ADGRB1: variants seen among roughly 807,000 people sequenced by gnomAD.
The protein encoded by ADGRB1 is adhesion G protein-coupled receptor B1.
Under a neutral mutation model 175.7 loss-of-function variants are expected in ADGRB1, and 36 were observed. That is an observed-to-expected ratio of 0.20 (90% CI 0.16 to 0.27). The LOEUF is 0.27. Among genes scored for constraint, ADGRB1 ranks in the 10% least tolerant of loss-of-function variants. The probability of loss-of-function intolerance (pLI) is 1.00; values close to 1 mark genes in which losing one functional copy is unlikely to be tolerated. For synonymous variants in ADGRB1, 1,054 were observed against 979.4 expected (o/e 1.08, Z -1.42); for missense variants, 1,731 against 2,255.3 (o/e 0.77, Z 4.71).
chr8:142,538,490 G>C (rs1845068208), intron 26 of ADGRB1, among the ~76,000 whole-genome samples: 1 of 152,216 alleles, frequency 6.6e-6, no homozygotes, highest in African/African-American at 2.4e-5. Context: ...CCCTCCCCCA[G>C]CGTTTCTCCT....
Position 142,520,804 on chromosome 8 carries a change from G to A in ADGRB1, c.2922-19G>A. 1 of 1,608,224 alleles carries A rather than the reference G, an allele frequency of 6.2e-7. No homozygotes were observed. Among genetic ancestry groups the A allele is most frequent in the Non-Finnish European group, 8.5e-7 (1 of 1,175,022 alleles). ...GGGTTCTGTTGGGTGCTGACCTTGG[G>A]CCCCTGCACTCTCCACAGGTACATT... On this transcript the variant is annotated intron_variant, in intron 19 of 30. Transcript: ENST00000517894.
Position 142,521,322 on chromosome 8 carries a change from G to A in ADGRB1, c.3024+397G>A, listed in dbSNP as rs545566136. Reference sequence around the variant, plus strand: ...GGTCCACCCTCTCACCCCTACGCTCGCCAGCCTTGAAGCTGGCAGCTCATG... The same window carrying A: ...GGTCCACCCTCTCACCCCTACGCTCACCAGCCTTGAAGCTGGCAGCTCATG... On this transcript the variant is annotated intron_variant, in intron 20 of 30. Coordinates refer to ENST00000517894, the MANE Select transcript of ADGRB1 (RefSeq NM_001702.3). Among the ~76,000 whole-genome samples, 31 of 152,198 alleles carry A rather than the reference G, an allele frequency of 2.0e-4. No homozygotes were observed. The East Asian group carries it at 2.3e-3, about 11-fold the overall frequency.
intron 24 of ADGRB1, among the ~76,000 whole-genome samples, chr8:142,530,388 G>A (rs1319589589): frequency 3.3e-5 from 5 of 152,126 alleles, no homozygotes; most frequent in African/African-American, 9.7e-5. Context: ...AGGTGGGTGG[G>A]GCCAGTTGGG....
chr8:142,535,541 G>A (rs1210895525), intron 25 of ADGRB1, among the ~76,000 whole-genome samples: 1 of 152,186 alleles, frequency 6.6e-6, no homozygotes, highest in African/African-American at 2.4e-5. Flanking sequence ...GGGGGTGGTG[G>A]CCAGGGCTGC....
chr8:142,487,662 C>G (rs557003768), intron 13 of ADGRB1, among the ~76,000 whole-genome samples: 6 of 152,194 alleles, frequency 3.9e-5, no homozygotes, highest in Non-Finnish European at 7.4e-5. Context: ...TCCACCCCAG[C>G]GGCACTTCCC....
At chr8:142,473,793 G>A (rs1380714299) in intron 2 of ADGRB1, among the ~76,000 whole-genome samples, 1 of 152,220 alleles carries the variant, frequency 6.6e-6, no homozygotes, top group Non-Finnish European at 1.5e-5. Context: ...GAGAAAATGA[G>A]GCCTCCCACA....
intron 2 of ADGRB1, among the ~76,000 whole-genome samples, chr8:142,472,581 C>T (rs1291563842): frequency 1.3e-5 from 2 of 152,218 alleles, no homozygotes; most frequent in Non-Finnish European, 2.9e-5. Flanking sequence ...GATACATTCA[C>T]TAGACAAACA....
At chr8:142,482,913 C>T (rs1282689375) in intron 11 of ADGRB1, among the ~76,000 whole-genome samples, 1 of 148,866 alleles carries the variant, frequency 6.7e-6, no homozygotes, top group Admixed American at 6.7e-5. Context: ...GAGTCCTGAC[C>T]CTTGTCACAA....
Position 142,455,481 on chromosome 8 carries a change from T to C in ADGRB1, c.-220+5377T>C, listed in dbSNP as rs563829685. Among the ~76,000 whole-genome samples, 1 of 152,288 alleles carries C rather than the reference T, an allele frequency of 6.6e-6. No individual in the cohort carries two copies. Among genetic ancestry groups the C allele is most frequent in the South Asian group, 2.1e-4 (1 of 4,830 alleles). On this transcript the variant is annotated intron_variant, in intron 1 of 30. Transcript: ENST00000517894. The surrounding 1 kb of genome is among the most constrained non-coding windows in gnomAD (Gnocchi z 4.9). The stretch of plus-strand genomic sequence containing the variant: ...TCAGGCCCCCAACCACTTGCCTTCC[T>C]GGGAGAGGAGCATGCGGCAGGCTGG...
chr8:142,450,121 C>A lies in ADGRB1; in HGVS notation c.-220+17C>A, dbSNP rs1839248352. On this transcript the variant is annotated intron_variant, in intron 1 of 30. Transcript: ENST00000517894. ...CTGGGGAAGGTAAGGAAGGCTCCGG[C>A]GGGGGGCTGGGGGCGCGGCGGGTGG... The A allele has an allele frequency of 8.1e-5, 3 of 36,944 alleles. No homozygotes were observed. Among genetic ancestry groups the A allele is most frequent in the Non-Finnish European group, 1.6e-4 (3 of 19,010 alleles). The allele number at this position is 36,944 out of a possible 1,614,324, so 2.3% of individuals were successfully genotyped here.
intron 2 of ADGRB1, 34 bp downstream of exon 2, chr8:142,465,016 G>T: frequency 7.3e-7 from 1 of 1,377,880 alleles, no homozygotes; most frequent in East Asian, 3.4e-5. Flanking sequence ...TCGGACAGGG[G>T]AGGTGGGCAG....
intron 19 of ADGRB1, among the ~76,000 whole-genome samples, chr8:142,519,183 G>A (rs1213119333): frequency 6.6e-6 from 1 of 152,144 alleles, no homozygotes; most frequent in Non-Finnish European, 1.5e-5. Context: ...TGGGGAATGG[G>A]GTTCAGGGGC....
Position 142,481,373 on chromosome 8 carries a change from T to A in ADGRB1, c.1935+13T>A. On this transcript the variant is annotated intron_variant, in intron 10 of 30. Coordinates refer to ENST00000517894, the MANE Select transcript of ADGRB1 (RefSeq NM_001702.3). ...CATCCAGATGATGGTGAGGGCCAGT[T>A]CCCGGGGGTCTCCAACCCCTCCCCA... 1 of 1,613,086 alleles carries A rather than the reference T, an allele frequency of 6.2e-7. No homozygotes were observed. The highest frequency in any genetic ancestry group is 1.1e-5 in the South Asian group (1 of 91,078).
intron 19 of ADGRB1, among the ~76,000 whole-genome samples, chr8:142,520,431 A>T (rs1434887784): frequency 1.7e-3 from 4 of 2,416 alleles, no homozygotes; most frequent in Non-Finnish European, 2.9e-3. Flanking sequence ...TAATGATTGT[A>T]TGATGATGGT....
intron 27 of ADGRB1, 85 bp from the exon 28 acceptor site, chr8:142,541,856 A>T: frequency 7.2e-7 from 1 of 1,384,970 alleles, no homozygotes; most frequent in South Asian, 1.4e-5. Context: ...CGCAGGGCAG[A>T]CTGGGCCCCT....
intron 17 of ADGRB1, among the ~76,000 whole-genome samples, chr8:142,506,948 CCT>C (rs1170561305): frequency 6.6e-6 from 1 of 152,152 alleles, no homozygotes; most frequent in Admixed American, 6.5e-5. Context: ...TCAGGTTGCC[CCT>C]GACGGTCCCT....
At position 142,493,916 on chromosome 8, in the gene ADGRB1, G is replaced by A. The variant is rs1413931119; in HGVS notation, c.2675+3101G>A. 1.3e-5 allele frequency among the ~76,000 whole-genome samples: 2 copies of A among 152,192 alleles called. No homozygotes were observed. The highest frequency in any genetic ancestry group is 2.9e-5 in the Non-Finnish European group (2 of 68,030). On this transcript the variant is annotated intron_variant, in intron 17 of 30. Coordinates refer to ENST00000517894, the MANE Select transcript of ADGRB1 (RefSeq NM_001702.3). This position sits in a 1 kb window ranked among gnomAD's most constrained non-coding sequence, Gnocchi z 5.0. The stretch of plus-strand genomic sequence containing the variant: ...CTGTGAACTGTCTCCGGGGAGCTGA[G>A]TTTCCCAGTTGACCTGAAGTGGAGA...
chr8:142,534,222 C>T (rs2132234066), intron 25 of ADGRB1, among the ~76,000 whole-genome samples: 1 of 152,368 alleles, frequency 6.6e-6, no homozygotes, highest in African/African-American at 2.4e-5. Flanking sequence ...CAGACGGTGT[C>T]AGGAGTGGGG....
At chr8:142,479,074 AGGTGT>A in intron 7 of ADGRB1, 1 of 407,818 alleles carries the variant, frequency 2.5e-6, no homozygotes, top group African/African-American at 2.1e-5. Flanking sequence ...GTGCACAGTG[AGGTGT>A]GGAGGGTGGT....
Sources: allele counts gnomAD v4.1 joint callset (sites outside exome capture counted in the v4.1 genomes callset), GRCh38; gene constraint gnomAD v4.1.1; non-coding constraint Gnocchi (gnomAD v3.1); transcripts MANE v1.5; gene names NCBI Gene and HGNC (gene_info 2026-07-23, HGNC 2026-07-21).